Variants in FBXO15 observed in about 807,000 individuals in gnomAD.
The protein encoded by FBXO15 is F-box only protein 15.
FBXO15 carries 30 observed loss-of-function variants against 49.5 expected under a neutral mutation model. The ratio of observed to expected loss-of-function variants is 0.61; its 90% CI spans 0.45 to 0.82. The LOEUF (loss-of-function observed/expected upper bound fraction) is 0.82, where lower values mean the gene tolerates loss of function less well. FBXO15 is among the 40% of genes least tolerant of loss of function. The probability of loss-of-function intolerance (pLI) is 0.00; values close to 1 mark genes in which losing one functional copy is unlikely to be tolerated. For missense variants in FBXO15, 591 were observed against 631.5 expected, an observed-to-expected ratio of 0.94 and a Z score of 0.69; for synonymous variants, 250 against 232.7, an observed-to-expected ratio of 1.07 and a Z score of -0.68.
intron 1 of FBXO15, among the ~76,000 whole-genome samples, chr18:74,143,287 T>C (rs1979201216): frequency 6.6e-6 from 1 of 152,206 alleles, no homozygotes; most frequent in Non-Finnish European, 1.5e-5. Flanking sequence ...ATAAAAACTG[T>C]TACCTTAGGC....
At chr18:74,112,781 C>A (rs1199182417) in intron 8 of FBXO15, among the ~76,000 whole-genome samples, 1 of 152,194 alleles carries the variant, frequency 6.6e-6, no homozygotes, top group African/African-American at 2.4e-5. Flanking sequence ...AAAAGAATGG[C>A]CAAAATCCAG....
intron 8 of FBXO15, among the ~76,000 whole-genome samples, chr18:74,096,339 G>A (rs976306431): frequency 4.0e-5 from 6 of 151,856 alleles, no homozygotes; most frequent in Admixed American, 3.9e-4. Flanking sequence ...TGGTTCCTGG[G>A]CACAAACCCC....
chr18:74,121,409 A>G (rs1040857861), intron 8 of FBXO15, among the ~76,000 whole-genome samples: 1 of 152,244 alleles, frequency 6.6e-6, no homozygotes, highest in African/African-American at 2.4e-5. Context: ...AAATGTGCAA[A>G]ACTAGCATGA....
chr18:74,089,099 G>A (rs1271138379), intron 8 of FBXO15, among the ~76,000 whole-genome samples: 3 of 152,100 alleles, frequency 2.0e-5, no homozygotes, highest in Non-Finnish European at 4.4e-5. Context: ...AGCCCCACAT[G>A]CCTTAGCTAT....
At chr18:74,078,102 C>T (rs928103402) in intron 9 of FBXO15, among the ~76,000 whole-genome samples, 1 of 152,102 alleles carries the variant, frequency 6.6e-6, no homozygotes, top group African/African-American at 2.4e-5. Flanking sequence ...GCTCACAGCC[C>T]TAAGCCGTCG....
At chr18:74,092,424 G>A (rs948386851) in intron 8 of FBXO15, among the ~76,000 whole-genome samples, 5 of 152,144 alleles carry the variant, frequency 3.3e-5, no homozygotes, top group Non-Finnish European at 7.4e-5. Flanking sequence ...GAACTAGTGT[G>A]GTCGTTTGGA....
intron 8 of FBXO15, among the ~76,000 whole-genome samples, chr18:74,111,003 G>A (rs1445152518): frequency 1.3e-5 from 2 of 152,112 alleles, no homozygotes. Flanking sequence ...GACAGATCCA[G>A]CAGGCAGAAA....
chr18:74,077,418 G>A (rs1454899485), intron 9 of FBXO15, among the ~76,000 whole-genome samples: 1 of 152,108 alleles, frequency 6.6e-6, no homozygotes, highest in East Asian at 1.9e-4. Flanking sequence ...AGAGCCTAAG[G>A]CCCCTCACAT....
intron 8 of FBXO15, 41 bp from the exon 9 acceptor site, chr18:74,082,092 G>A (rs1224372161): frequency 1.3e-6 from 2 of 1,596,886 alleles, no homozygotes; most frequent in East Asian, 2.3e-5. Context: ...GTCTTCCAGT[G>A]CAAGATGACA....
At chr18:74,102,874 A>T (rs1913585205) in intron 8 of FBXO15, among the ~76,000 whole-genome samples, 1 of 152,140 alleles carries the variant, frequency 6.6e-6, no homozygotes, top group South Asian at 2.1e-4. Context: ...CAAACATCAC[A>T]TGTTTTCACT....
chr18:74,118,413 CATAT>C lies in FBXO15; in HGVS notation c.1138+4951_1138+4954del, dbSNP rs35545136. On this transcript the variant is annotated intron_variant, in intron 8 of 9. Coordinates refer to ENST00000419743, the MANE Select transcript of FBXO15 (RefSeq NM_001142958.2). ...ACCTGCGTATATACACATATATACA[CATAT>C]ATATATATATGTGTATATACACACA... Among the ~76,000 whole-genome samples the C allele has an allele frequency of 3.4e-3, 469 of 139,906 alleles. 5 individuals carry two copies. Among genetic ancestry groups the C allele is most frequent in the South Asian group, 9.5e-3 (39 of 4,094 alleles). The allele number at this position is 139,906 out of a possible 152,430, so 91.8% of individuals were successfully genotyped here.
chr18:74,082,081 T>C, intron 8 of FBXO15, 30 bp from the exon 9 acceptor site: 3 of 1,602,284 alleles, frequency 1.9e-6, no homozygotes, highest in Non-Finnish European at 2.6e-6. Context: ...TTTCAATCAC[T>C]GTCTTCCAGT....
At chr18:74,130,368 G>T in intron 4 of FBXO15, 48 bp downstream of exon 4, 2 of 1,607,318 alleles carry the variant, frequency 1.2e-6, no homozygotes, top group South Asian at 2.2e-5. Flanking sequence ...CTACGTACAC[G>T]ATACTTTGAG....
At chr18:74,112,736 A>G (rs879288703) in intron 8 of FBXO15, among the ~76,000 whole-genome samples, 7 of 152,246 alleles carry the variant, frequency 4.6e-5, no homozygotes, top group Non-Finnish European at 7.3e-5. Context: ...TTCAGAGATG[A>G]CATGACCATC....
chr18:74,111,725 T>C (rs1289211434), intron 8 of FBXO15, among the ~76,000 whole-genome samples: 1 of 151,848 alleles, frequency 6.6e-6, no homozygotes, highest in Admixed American at 6.6e-5. Flanking sequence ...AGAAGATCAA[T>C]GCAGAAAAAT....
intron 8 of FBXO15, among the ~76,000 whole-genome samples, chr18:74,090,306 T>C (rs1440450654): frequency 6.6e-6 from 1 of 152,178 alleles, no homozygotes; most frequent in Non-Finnish European, 1.5e-5. Context: ...TCTTCTCTAT[T>C]TTTTATAACT....
chr18:74,110,691 T>C (rs1371519812), intron 8 of FBXO15, among the ~76,000 whole-genome samples: 1 of 149,800 alleles, frequency 6.7e-6, no homozygotes, highest in Non-Finnish European at 1.5e-5. Context: ...AATGTAAAGA[T>C]ACATACAAAT....
rs1189185539 is a variant in FBXO15 at position 74,147,757 on chromosome 18, T to A, written c.29A>T (p.Gln10Leu). 1 of 1,535,876 alleles carries A rather than the reference T, an allele frequency of 6.5e-7. No individual in the cohort carries two copies. The highest frequency in any genetic ancestry group is 8.8e-7 in the Non-Finnish European group (1 of 1,142,836). ...CGTCTGGAGGCCGAGCCAGTGCTGCTGCAAGATCCGACCGCGTCCAGTCGC... is the reference window on the plus strand; with the variant it reads ...CGTCTGGAGGCCGAGCCAGTGCTGCAGCAAGATCCGACCGCGTCCAGTCGC... MATGRGRIL[Q>L]QHWLGLQTLR... Residue 10 changes from glutamine to leucine, a missense_variant, in exon 1 of 10, where the codon CAG (glutamine) becomes CTG (leucine). Coordinates refer to ENST00000419743, the MANE Select transcript of FBXO15 (RefSeq NM_001142958.2).
At position 74,095,567 on chromosome 18, in the gene FBXO15, T is replaced by C. The variant is rs370682966; in HGVS notation, c.1139-13516A>G. Among the ~76,000 whole-genome samples, 23 of 152,338 alleles carry C rather than the reference T, an allele frequency of 1.5e-4. No individual in the cohort carries two copies. The East Asian group carries it at 2.5e-3, about 17-fold the overall frequency. On this transcript the variant is annotated intron_variant, in intron 8 of 9. Transcript: ENST00000419743. ...TATCTATTAGGTTTGCCATCTTACA[T>C]GGGCACTGTCTGAGGTGCCCCAAAA...
Sources: allele counts gnomAD v4.1 joint callset (sites outside exome capture counted in the v4.1 genomes callset), GRCh38; gene constraint gnomAD v4.1.1; transcripts MANE v1.5; gene names NCBI Gene and HGNC (gene_info 2026-07-23, HGNC 2026-07-21).